CRMP1: variants seen among roughly 807,000 people sequenced by gnomAD.
CRMP1 encodes the protein dihydropyrimidinase-related protein 1.
In CRMP1, 19 loss-of-function variants were observed where a neutral mutation model predicts 68.3. The ratio of observed to expected loss-of-function variants is 0.28; its 90% CI spans 0.19 to 0.41. CRMP1 has a LOEUF of 0.41. Ranked by LOEUF, CRMP1 falls within the 10% of genes least tolerant of loss-of-function variation. CRMP1 has a pLI of 1.00. For synonymous variants in CRMP1, 439 were observed against 399.6 expected (o/e 1.10, Z -1.18); for missense variants, 791 against 967.4 (o/e 0.82, Z 2.42).
At chr4:5,868,271 A>ATATATC (rs1553907508) in intron 1 of CRMP1, among the ~76,000 whole-genome samples, 24 of 24,676 alleles carry the variant, frequency 9.7e-4, no homozygotes, top group Non-Finnish European at 1.8e-3. Flanking sequence ...CTATATATAT[A>ATATATC]TATATATATA....
In CRMP1 at chr4:5,892,660, C is replaced by G; in HGVS notation, c.310G>C (p.Glu104Gln). ...SAVSSPGERD[E>Q]RPPTLRIRRP... ...CGGATGCGCAGCGTCGGCGGCCGCT[C>G]GTCGCGCTCTCCGGGAGAGCTGACC... The change falls in exon 1 of 14, where the codon GAG becomes CAG. Residue 104 changes from glutamate (E) to glutamine (Q), a missense_variant. By Grantham distance (29) the Glu-to-Gln change is conservative (BLOSUM62 2). Coordinates refer to ENST00000324989, the MANE Select transcript of CRMP1 (RefSeq NM_001014809.3). This position sits in a 1 kb window ranked among gnomAD's most constrained non-coding sequence, Gnocchi z 8.6. The G allele has an allele frequency of 4.2e-6, 5 of 1,194,294 alleles. No individual in the cohort carries two copies. Among genetic ancestry groups the G allele is most frequent in the Non-Finnish European group, 5.2e-6 (5 of 963,866 alleles). 74.0% of individuals were successfully genotyped at this position (1,194,294 alleles called of 1,614,324 possible). A position where few individuals can be genotyped will look rare whatever the true frequency, so the allele number is the denominator to read the frequency against.
rs1360757713 is a variant in CRMP1 at position 5,860,547 on chromosome 4, G to C, written c.655+479C>G. Among the ~76,000 whole-genome samples, 1 of 151,970 alleles carries C rather than the reference G, an allele frequency of 6.6e-6. No individual in the cohort carries two copies. The highest frequency in any genetic ancestry group is 2.4e-5 in the African/African-American group (1 of 41,356). ...CTTGGGCAAGTTGCTTCACCTCTCT[G>C]AGCCTCTATTCTCCCATCTGTCACA... On this transcript the variant is annotated intron_variant, in intron 3 of 13. Coordinates refer to ENST00000324989, the MANE Select transcript of CRMP1 (RefSeq NM_001014809.3). This position sits in a 1 kb window ranked among gnomAD's most constrained non-coding sequence, Gnocchi z 4.2.
At position 5,843,174 on chromosome 4, in the gene CRMP1, A is replaced by G; in HGVS notation, c.964-13T>C. 6.2e-7 allele frequency: 1 copy of G among 1,614,080 alleles called. No individual in the cohort carries two copies. The highest frequency in any genetic ancestry group is 8.5e-7 in the Non-Finnish European group (1 of 1,179,946). On this transcript the variant is annotated splice_polypyrimidine_tract_variant and intron_variant, in intron 6 of 13. Transcript: ENST00000324989. The surrounding 1 kb of genome is among the most constrained non-coding windows in gnomAD (Gnocchi z 4.1). ...TCCGCTTTTGTTCCTACAAGACAAGAACAAGTGAGTTAACGATTAGAGGGT... is the reference window on the plus strand; with the variant it reads ...TCCGCTTTTGTTCCTACAAGACAAGGACAAGTGAGTTAACGATTAGAGGGT...
intron 1 of CRMP1, among the ~76,000 whole-genome samples, chr4:5,871,988 G>T (rs1714487200): frequency 6.6e-6 from 1 of 152,138 alleles, no homozygotes; most frequent in Admixed American, 6.5e-5. Flanking sequence ...TGACCTCCAG[G>T]TTCACACAAC....
At chr4:5,830,538 G>A (rs562079310) in intron 11 of CRMP1, among the ~76,000 whole-genome samples, 23 of 152,212 alleles carry the variant, frequency 1.5e-4, no homozygotes, top group South Asian at 4.2e-4. Flanking sequence ...TAAATAGTAG[G>A]GCAGAGGTTA....
At chr4:5,836,342 A>G (rs183315364) in intron 10 of CRMP1, among the ~76,000 whole-genome samples, 5 of 152,306 alleles carry the variant, frequency 3.3e-5, no homozygotes, top group African/African-American at 1.2e-4. Context: ...CCCCAGTTTA[A>G]CAGAAGATTA....
intron 12 of CRMP1, 192 bp downstream of exon 12, chr4:5,828,297 C>G (rs1720005198): frequency 2.0e-6 from 2 of 984,968 alleles, no homozygotes; most frequent in South Asian, 4.7e-5. Flanking sequence ...ACTTGCATGT[C>G]CTCATTTGAT....
chr4:5,821,749 C>T lies in CRMP1; in HGVS notation c.*11G>A, dbSNP rs1404554064. 35 of 1,601,864 alleles carry T rather than the reference C, an allele frequency of 2.2e-5. No homozygotes were observed. The highest frequency in any genetic ancestry group is 2.8e-5 in the Non-Finnish European group (33 of 1,173,218). On this transcript the variant is annotated 3_prime_UTR_variant, in exon 14 of 14. Transcript: ENST00000324989. The surrounding 1 kb of genome is among the most constrained non-coding windows in gnomAD (Gnocchi z 4.4). ...AGAATCCTTCAGGCTAGCTCCTCCGCGCATCCACGTTCAACCGAGGCTGGT... is the reference window on the plus strand; with the variant it reads ...AGAATCCTTCAGGCTAGCTCCTCCGTGCATCCACGTTCAACCGAGGCTGGT...
chr4:5,825,273 G>A lies in CRMP1; in HGVS notation c.1969+221C>T. 3.0e-6 allele frequency: 3 copies of A among 985,216 alleles called. No individual in the cohort carries two copies. The highest frequency in any genetic ancestry group is 3.6e-6 in the Non-Finnish European group (3 of 829,918). The allele number at this position is 985,216 out of a possible 1,614,324, so 61.0% of individuals were successfully genotyped here. A position where few individuals can be genotyped will look rare whatever the true frequency, so the allele number is the denominator to read the frequency against. ...ACCTCTCTTTGTAAACCCACATCAGGTACCACCATGTTGCCCCCCTAACAT... is the reference window on the plus strand; with the variant it reads ...ACCTCTCTTTGTAAACCCACATCAGATACCACCATGTTGCCCCCCTAACAT... On this transcript the variant is annotated intron_variant, in intron 13 of 13. Transcript: ENST00000324989. This position sits in a 1 kb window ranked among gnomAD's most constrained non-coding sequence, Gnocchi z 4.4.
Position 5,836,049 on chromosome 4 carries a change from C to T in CRMP1, c.1489G>A (p.Val497Ile). ...ATCTTGGCTGCATTGGTGCTGGTGA[C>T]AGCGACAAACTGGTTCTCATCCATT... ...GKMDENQFVA[V>I]TSTNAAKIFN... Residue 497 changes from valine to isoleucine, a missense_variant, in exon 11 of 14, where the codon GTC (valine) becomes ATC (isoleucine). Around this residue, in one of 3 missense-constraint regions of CRMP1, gnomAD observed 594 missense variants for 763.6 expected, o/e 0.78. Transcript: ENST00000324989. 1 of 1,565,536 alleles carries T rather than the reference C, an allele frequency of 6.4e-7. No homozygotes were observed. Among genetic ancestry groups the T allele is most frequent in the Non-Finnish European group, 8.6e-7 (1 of 1,156,482 alleles).
rs1263110379 is a variant in CRMP1, at chr4:5,881,635, T to G, written c.381+10954A>C. ...CCTCTTCCATGGCAAGAGCTGACTT[T>G]TACTTACAGCAAATTAGACTCTATT... On this transcript the variant is annotated intron_variant, in intron 1 of 13. Transcript: ENST00000324989. The surrounding 1 kb of genome is among the most constrained non-coding windows in gnomAD (Gnocchi z 4.6). Among the ~76,000 whole-genome samples the G allele has an allele frequency of 6.6e-6, 1 of 152,148 alleles. No individual in the cohort carries two copies. The highest frequency in any genetic ancestry group is 1.5e-5 in the Non-Finnish European group (1 of 68,028).
At chr4:5,827,247 T>C (rs1719781775) in intron 12 of CRMP1, among the ~76,000 whole-genome samples, 1 of 152,078 alleles carries the variant, frequency 6.6e-6, no homozygotes, top group Non-Finnish European at 1.5e-5. Flanking sequence ...AGCCAAGGGG[T>C]GTGTCTGCCT....
At chr4:5,874,759 G>A (rs1375560503) in intron 1 of CRMP1, among the ~76,000 whole-genome samples, 6 of 151,840 alleles carry the variant, frequency 4.0e-5, no homozygotes, top group African/African-American at 1.2e-4. Flanking sequence ...GAAGGAGGAG[G>A]AAAGAAAGGA....
In CRMP1 at chr4:5,834,994, C is replaced by G. The variant is rs1720639231; in HGVS notation, c.1623+921G>C. ...GAGCTGCTACAAGTGTTTCCTGTGG[C>G]TTTCTTATGAAACTTCCTTGTGCCT... On this transcript the variant is annotated intron_variant, in intron 11 of 13. Coordinates refer to ENST00000324989, the MANE Select transcript of CRMP1 (RefSeq NM_001014809.3). This position sits in a 1 kb window ranked among gnomAD's most constrained non-coding sequence, Gnocchi z 4.3. 6.6e-6 allele frequency among the ~76,000 whole-genome samples: 1 copy of G among 152,002 alleles called. No homozygotes were observed. The highest frequency in any genetic ancestry group is 1.5e-5 in the Non-Finnish European group (1 of 68,036).
intron 1 of CRMP1, among the ~76,000 whole-genome samples, chr4:5,886,442 G>A (rs1411660273): frequency 6.6e-6 from 1 of 152,228 alleles, no homozygotes; most frequent in Non-Finnish European, 1.5e-5. Context: ...GAGGTTCAGA[G>A]AGGCATCAGA....
At chr4:5,864,828 G>A (rs1713870170) in intron 2 of CRMP1, among the ~76,000 whole-genome samples, 1 of 150,948 alleles carries the variant, frequency 6.6e-6, no homozygotes, top group African/African-American at 2.4e-5. Context: ...GGTGACAGCA[G>A]CCTGGCAAGT....
At chr4:5,884,382 C>T (rs989068239) in intron 1 of CRMP1, among the ~76,000 whole-genome samples, 2 of 152,130 alleles carry the variant, frequency 1.3e-5, no homozygotes, top group Admixed American at 1.3e-4. Context: ...TAATCAAACA[C>T]ACACACACAC....
At position 5,846,156 on chromosome 4, in the gene CRMP1, C is replaced by T. The variant is rs112408646; in HGVS notation, c.964-2995G>A. 7.2e-3 allele frequency among the ~76,000 whole-genome samples: 1,103 copies of T among 152,178 alleles called. 14 individuals are homozygous for T. The highest frequency in any genetic ancestry group is 0.034 in the Middle Eastern group (10 of 294). On this transcript the variant is annotated intron_variant, in intron 6 of 13. Coordinates refer to ENST00000324989, the MANE Select transcript of CRMP1 (RefSeq NM_001014809.3). The stretch of plus-strand genomic sequence containing the variant: ...ACTAAAAATACAAAAATTAGCTAGG[C>T]GTGGTGGCGCATGCCTATAGTCCCA...
rs1360354063 is a variant in CRMP1 at position 5,889,999 on chromosome 4, G to C, written c.381+2590C>G. 1 of 1,054,706 alleles carries C rather than the reference G, an allele frequency of 9.5e-7. No individual in the cohort carries two copies. Among genetic ancestry groups the C allele is most frequent in the African/African-American group, 1.6e-5 (1 of 62,126 alleles). 65.3% of individuals were successfully genotyped at this position (1,054,706 alleles called of 1,614,324 possible). ...TGCAAAACATATTAGCTGCAGCAAA[G>C]CAGCATGGAGATGCCAGGTTCCCCT... is the stretch of plus-strand genomic sequence containing the variant. On this transcript the variant is annotated intron_variant, in intron 1 of 13. Transcript: ENST00000324989. The surrounding 1 kb of genome is among the most constrained non-coding windows in gnomAD (Gnocchi z 4.5).
Sources: allele counts gnomAD v4.1 joint callset (sites outside exome capture counted in the v4.1 genomes callset), GRCh38; gene constraint gnomAD v4.1.1; regional missense constraint gnomAD v4.1.1; non-coding constraint Gnocchi (gnomAD v3.1); transcripts MANE v1.5; gene names NCBI Gene and HGNC (gene_info 2026-07-23, HGNC 2026-07-21).